The following SWI5 variants were observed in gnomAD, a reference collection of about 807,000 sequenced individuals.
The protein encoded by SWI5 is SWI5 homologous recombination repair protein.
SWI5 carries 12 observed loss-of-function variants against 17.0 expected under a neutral mutation model. The ratio of observed to expected loss-of-function variants is 0.71; its 90% CI spans 0.45 to 1.14. The LOEUF (loss-of-function observed/expected upper bound fraction) is 1.14. SWI5 is among the 50% of genes most tolerant of loss of function. The pLI is 0.00. For synonymous variants in SWI5, 61 were observed against 64.0 expected (o/e 0.95, Z 0.22); for missense variants, 158 against 162.2 (o/e 0.97, Z 0.14).
upstream of SWI5, chr9:128,275,444 T>C (rs1831264069): frequency 3.1e-6 from 4 of 1,301,204 alleles, no homozygotes; most frequent in Admixed American, 3.9e-5. Context: ...ACCCAGGTCC[T>C]TGGAGACCCG....
intron 2 of SWI5, among the ~76,000 whole-genome samples, chr9:128,282,498 TG>T (rs1373198477): frequency 3.3e-5 from 5 of 152,200 alleles, no homozygotes; most frequent in Admixed American, 6.5e-5. Context: ...GCCTTTCTGA[TG>T]GGGCGATAGG....
chr9:128,285,913 C>T lies in SWI5; in HGVS notation c.234-26C>T, dbSNP rs1447562981. ...CTGCTTTCTTAACTGGGCTGTCTTT[C>T]CCCCTCTCTCCATCGCTTATCCCAG... On this transcript the variant is annotated intron_variant, in intron 3 of 4. Coordinates refer to ENST00000418976, the Ensembl canonical transcript of SWI5. The surrounding 1 kb of genome is among the most constrained non-coding windows in gnomAD (Gnocchi z 4.8). The T allele has an allele frequency of 6.4e-7, 1 of 1,553,062 alleles. No individual in the cohort carries two copies. Among genetic ancestry groups the T allele is most frequent in the Admixed American group, 1.7e-5 (1 of 59,760 alleles).
At position 128,278,530 on chromosome 9, in the gene SWI5, C is replaced by T; in HGVS notation, c.111+1775C>T. 7.0e-6 allele frequency: 3 copies of T among 428,176 alleles called. No individual in the cohort carries two copies. The East Asian group carries it at 2.2e-4, about 31-fold the overall frequency. 26.5% of individuals were successfully genotyped at this position (428,176 alleles called of 1,614,324 possible). ...TGCAGTGAGCCGAGATCACCCTGCA[C>T]TCCAGCCTGGGCAACAGAGCGAAAC... On this transcript the variant is annotated intron_variant, in intron 2 of 4. Transcript: ENST00000418976.
At chr9:128,288,584 C>G in intron 4 of SWI5, 68 bp from the exon 5 acceptor site, 1 of 1,561,308 alleles carries the variant, frequency 6.4e-7, no homozygotes, top group Non-Finnish European at 8.8e-7. Flanking sequence ...GACACTGGCT[C>G]GGGGCATTGG....
intron 2 of SWI5, among the ~76,000 whole-genome samples, chr9:128,284,017 G>A (rs1831588361): frequency 6.6e-6 from 1 of 151,932 alleles, no homozygotes; most frequent in Non-Finnish European, 1.5e-5. Context: ...GTGGGGTGGG[G>A]CTAGGCACAG....
chr9:128,275,616 G>A, upstream of SWI5: 1 of 839,038 alleles, frequency 1.2e-6, no homozygotes, highest in Non-Finnish European at 1.7e-6. Context: ...AAGAGCCCAG[G>A]GAGGTCGGAC....
At chr9:128,283,037 G>A (rs1412061982) in intron 2 of SWI5, among the ~76,000 whole-genome samples, 3 of 151,982 alleles carry the variant, frequency 2.0e-5, no homozygotes, top group Non-Finnish European at 4.4e-5. Context: ...AAATTAGGCC[G>A]GGAGCAGTGG....
chr9:128,288,272 C>T (rs1409827657), intron 4 of SWI5, among the ~76,000 whole-genome samples: 4 of 152,152 alleles, frequency 2.6e-5, no homozygotes, highest in Non-Finnish European at 5.9e-5. Context: ...GAATGTTCAG[C>T]AGGCACAGCA....
At position 128,276,680 on chromosome 9, in the gene SWI5, A is replaced by G. The variant is rs772555847; in HGVS notation, c.63-27A>G. On this transcript the variant is annotated intron_variant, in intron 1 of 4. Coordinates refer to ENST00000418976, the Ensembl canonical transcript of SWI5. Reference sequence around the variant, plus strand: ...CTCACAGCGGGCTGTGGGTCCAATCAGACTTTCCCCTCGGATTCCTCTCTA... The same window carrying G: ...CTCACAGCGGGCTGTGGGTCCAATCGGACTTTCCCCTCGGATTCCTCTCTA... The G allele has an allele frequency of 6.8e-6, 11 of 1,613,758 alleles. No individual in the cohort carries two copies. The South Asian group carries it at 1.2e-4, about 18-fold the overall frequency.
At chr9:128,283,378 TC>T (rs1199063308) in intron 2 of SWI5, among the ~76,000 whole-genome samples, 1 of 152,172 alleles carries the variant, frequency 6.6e-6, no homozygotes, top group African/African-American at 2.4e-5. Context: ...GCACCTGTAA[TC>T]CCAGCTATTC....
intron 2 of SWI5, among the ~76,000 whole-genome samples, chr9:128,280,952 G>A (rs80159459): frequency 5.3e-5 from 8 of 151,158 alleles, no homozygotes; most frequent in Admixed American, 3.3e-4. Context: ...GGGTATCCAC[G>A]GAGATTGCTG....
At chr9:128,286,075 G>A (rs1355465187) in intron 4 of SWI5, 42 bp downstream of exon 4, 3 of 1,476,874 alleles carry the variant, frequency 2.0e-6, no homozygotes, top group Non-Finnish European at 2.8e-6. Flanking sequence ...GGCATCATAG[G>A]GTGTCGTCTC....
intron 2 of SWI5, among the ~76,000 whole-genome samples, chr9:128,281,660 A>G (rs1017897693): frequency 1.3e-5 from 2 of 152,270 alleles, no homozygotes; most frequent in African/African-American, 2.4e-5. Flanking sequence ...TGTAGACACT[A>G]TGCAATCAGC....
rs745802668 is a variant in SWI5 at position 128,285,959 on chromosome 9, T to G, written c.254T>G (p.Leu85Arg). Residue 85 changes from leucine (L) to arginine (R), a missense_variant, in exon 4 of 5, where the codon CTG becomes CGG. By Grantham distance (102) the Leu-to-Arg change is moderately radical. Transcript: ENST00000418976. The surrounding 1 kb of genome is among the most constrained non-coding windows in gnomAD (Gnocchi z 4.8). ...CCCAGAGGCTACAGTGTGGATGAAC[T>G]GGAGGACCACATTACCCAGCTTCAC... 6.2e-7 allele frequency: 1 copy of G among 1,614,088 alleles called. No individual in the cohort carries two copies. The highest frequency in any genetic ancestry group is 1.3e-5 in the African/African-American group (1 of 75,052).
rs1358871746 is a variant in SWI5, at chr9:128,286,199, T to A, written c.328+166T>A. On this transcript the variant is annotated intron_variant, in intron 4 of 4. Coordinates refer to ENST00000418976, the Ensembl canonical transcript of SWI5. Reference sequence around the variant, plus strand: ...CCCCTCTCCTGACCAGCCTCTGGTCTCCCTGGCCACCTAGGTTTGTTCCTC... The same window carrying A: ...CCCCTCTCCTGACCAGCCTCTGGTCACCCTGGCCACCTAGGTTTGTTCCTC... 13 of 583,088 alleles carry A rather than the reference T, an allele frequency of 2.2e-5. 1 individual carries two copies. The Admixed American group carries it at 3.2e-4, about 14-fold the overall frequency. 36.1% of individuals were successfully genotyped at this position (583,088 alleles called of 1,614,324 possible).
chr9:128,284,482 C>A, intron 2 of SWI5, 28 bp from the exon 3 acceptor site: 1 of 1,608,918 alleles, frequency 6.2e-7, no homozygotes. Flanking sequence ...ACTGGTCAGT[C>A]TGGCTGATGA....
chr9:128,288,793 G>T, exon 5 of SWI5: 1 of 1,510,638 alleles, frequency 6.6e-7, no homozygotes. Context: ...AGCCCAACCA[G>T]CACACCTACA....
At chr9:128,275,806 T>A (rs1588497386), upstream of SWI5, 4 of 728,744 alleles carry the variant, frequency 5.5e-6, no homozygotes, top group East Asian at 1.2e-4. Context: ...CCGGTGTGCC[T>A]CAGGAGTGGC....
chr9:128,277,989 G>T (rs1191828919), intron 2 of SWI5, among the ~76,000 whole-genome samples: 1 of 120,244 alleles, frequency 8.3e-6, no homozygotes, highest in Non-Finnish European at 1.6e-5. Flanking sequence ...GTCGCACTCT[G>T]TCGCCCGGGC....
Sources: allele counts gnomAD v4.1 joint callset (sites outside exome capture counted in the v4.1 genomes callset), GRCh38; gene constraint gnomAD v4.1.1; non-coding constraint Gnocchi (gnomAD v3.1); transcripts MANE v1.5; gene names NCBI Gene and HGNC (gene_info 2026-07-23, HGNC 2026-07-21).